TMEM143: variants seen among roughly 807,000 people sequenced by gnomAD.
The protein encoded by TMEM143 is transmembrane protein 143.
Under a neutral mutation model 40.3 loss-of-function variants are expected in TMEM143, and 45 were observed. That is an observed-to-expected ratio of 1.12 (90% CI 0.88 to 1.43). TMEM143 has a LOEUF of 1.43. Ranked by LOEUF, TMEM143 falls within the 40% of genes most tolerant of loss-of-function variation. The pLI is 0.00. For missense variants in TMEM143, 620 were observed against 613.4 expected, an observed-to-expected ratio of 1.01 and a Z score of -0.11; for synonymous variants, 299 against 282.7, an observed-to-expected ratio of 1.06 and a Z score of -0.58.
intron 2 of TMEM143, among the ~76,000 whole-genome samples, chr19:48,362,693 G>C (rs576811074): frequency 6.6e-6 from 1 of 152,230 alleles, no homozygotes; most frequent in Admixed American, 6.5e-5. Context: ...TCACTCTTAG[G>C]GTCAAGCGAG....
At chr19:48,338,079 T>C (rs1055640578) in intron 6 of TMEM143, among the ~76,000 whole-genome samples, 2 of 152,074 alleles carry the variant, frequency 1.3e-5, no homozygotes, top group African/African-American at 4.8e-5. Context: ...CCTCCTACCC[T>C]GGGGTCTATG....
intron 6 of TMEM143, among the ~76,000 whole-genome samples, chr19:48,337,233 G>A (rs1969390980): frequency 6.6e-6 from 1 of 151,872 alleles, no homozygotes; most frequent in African/African-American, 2.4e-5. Context: ...GGAGGGTTCA[G>A]GAAGTCAATA....
At chr19:48,347,475 A>C (rs1366065810) in intron 3 of TMEM143, among the ~76,000 whole-genome samples, 1 of 152,060 alleles carries the variant, frequency 6.6e-6, no homozygotes, top group Non-Finnish European at 1.5e-5. Flanking sequence ...CACTCTGGGA[A>C]GCCAAGGTGG....
chr19:48,346,953 A>G (rs1320558688), intron 3 of TMEM143, among the ~76,000 whole-genome samples: 1 of 152,046 alleles, frequency 6.6e-6, no homozygotes, highest in African/African-American at 2.4e-5. Flanking sequence ...AGCTCCCACA[A>G]TCCACCCCTC....
intron 3 of TMEM143, among the ~76,000 whole-genome samples, chr19:48,357,688 G>A (rs960499165): frequency 6.6e-6 from 1 of 151,808 alleles, no homozygotes; most frequent in African/African-American, 2.4e-5. Flanking sequence ...CTTTCTAAAA[G>A]GCAGCTCAAT....
rs1969233345 is a variant in TMEM143 at position 48,332,426 on chromosome 19, C to G, written c.*793G>C. 2 of 152,186 alleles carry G rather than the reference C, an allele frequency of 1.3e-5. No homozygotes were observed. The highest frequency in any genetic ancestry group is 2.9e-5 in the Non-Finnish European group (2 of 68,058). 9.4% of individuals were successfully genotyped at this position (152,186 alleles called of 1,614,324 possible). ...GAAATTGATAGACCAATAAATATTG[C>G]ACAGGCTGCTGGTGGTGGGGAGATC... On this transcript the variant is annotated 3_prime_UTR_variant, in exon 8 of 8. Coordinates refer to ENST00000293261, the MANE Select transcript of TMEM143 (RefSeq NM_018273.4).
At chr19:48,353,046 T>C (rs772450603) in intron 3 of TMEM143, among the ~76,000 whole-genome samples, 1 of 152,184 alleles carries the variant, frequency 6.6e-6, no homozygotes, top group Non-Finnish European at 1.5e-5. Flanking sequence ...AGTCTGTACA[T>C]GTTCACTACT....
In TMEM143 at chr19:48,360,159, C is replaced by A; in HGVS notation, c.282G>T (p.Pro94=). 1.2e-6 allele frequency: 2 copies of A among 1,614,128 alleles called. No individual in the cohort carries two copies. Among genetic ancestry groups the A allele is most frequent in the Non-Finnish European group, 8.5e-7 (1 of 1,180,000 alleles). The change falls in exon 3 of 8, where the codon CCG becomes CCT. Residue 94 remains proline, a synonymous_variant. Coordinates refer to ENST00000293261, the MANE Select transcript of TMEM143 (RefSeq NM_018273.4). ...RLLIQEFHSS[P]AEKAALEAFS... is the part of the protein sequence containing the mutation. ...ACGCCTCCAAAGCCGCCTTCTCTGC[C>A]GGACTCGAGTGGAATTCCTGTTACC... is the stretch of plus-strand genomic sequence containing the variant.
intron 2 of TMEM143, among the ~76,000 whole-genome samples, chr19:48,361,687 G>A (rs747681651): frequency 2.6e-5 from 4 of 151,924 alleles, no homozygotes; most frequent in Admixed American, 6.6e-5. Context: ...CTGCCACCTC[G>A]CCCGGCTAAT....
chr19:48,363,157 A>G (rs908111591), intron 2 of TMEM143, 134 bp downstream of exon 2: 28 of 1,283,722 alleles, frequency 2.2e-5, no homozygotes, highest in Non-Finnish European at 2.8e-5. Flanking sequence ...CCCACTAGGG[A>G]AACACGAAGG....
In TMEM143 at chr19:48,334,283, G is replaced by A. The variant is rs1003404408; in HGVS notation, c.976-86C>T. On this transcript the variant is annotated intron_variant, in intron 6 of 7. Coordinates refer to ENST00000293261, the MANE Select transcript of TMEM143 (RefSeq NM_018273.4). ...CCCCGGGGTCACCCCCGCTGGCACG[G>A]CCCACGCCGCTTACTCCCCTGAGGA... 114 of 1,407,300 alleles carry A rather than the reference G, an allele frequency of 8.1e-5. 1 individual carries two copies. The highest frequency in any genetic ancestry group is 1.1e-4 in the Non-Finnish European group (111 of 1,052,694). 87.2% of individuals were successfully genotyped at this position (1,407,300 alleles called of 1,614,324 possible). A position where few individuals can be genotyped will look rare whatever the true frequency, so the allele number is the denominator to read the frequency against.
chr19:48,349,052 C>T (rs1426934524), intron 3 of TMEM143, among the ~76,000 whole-genome samples: 5 of 151,960 alleles, frequency 3.3e-5, no homozygotes, highest in Admixed American at 6.6e-5. Context: ...ATTAGCCAGG[C>T]GTGGTGGTGC....
chr19:48,355,159 T>A (rs1197475043), intron 3 of TMEM143, among the ~76,000 whole-genome samples: 2 of 151,936 alleles, frequency 1.3e-5, no homozygotes, highest in Non-Finnish European at 2.9e-5. Flanking sequence ...CTCAGCTTCC[T>A]GAGTAGCTGG....
chr19:48,348,749 G>T (rs1454975046), intron 3 of TMEM143, among the ~76,000 whole-genome samples: 1 of 152,192 alleles, frequency 6.6e-6, no homozygotes, highest in Non-Finnish European at 1.5e-5. Context: ...TGACACATTT[G>T]ACCATGTCAA....
chr19:48,340,984 AG>A (rs1969474225), intron 6 of TMEM143, among the ~76,000 whole-genome samples: 1 of 152,082 alleles, frequency 6.6e-6, no homozygotes, highest in African/African-American at 2.4e-5. Context: ...CTCCCTCCCC[AG>A]CCCCTCTGTT....
At position 48,352,472 on chromosome 19, in the gene TMEM143, T is replaced by TA. The variant is rs34043899; in HGVS notation, c.370-7119dup. Among the ~76,000 whole-genome samples the TA allele has an allele frequency of 2.2e-3, 314 of 143,124 alleles. 2 individuals are homozygous for TA. Among genetic ancestry groups the TA allele is most frequent in the Non-Finnish European group, 3.0e-3 (196 of 65,836 alleles). 93.9% of individuals were successfully genotyped at this position (143,124 alleles called of 152,430 possible). On this transcript the variant is annotated intron_variant, in intron 3 of 7. Transcript: ENST00000293261. ...GTGTGTGCCACCACGCACAGTTAAT[T>TA]AAAAAAAAAAAAATTATGGAGGCCG... is the stretch of plus-strand genomic sequence containing the variant.
intron 2 of TMEM143, among the ~76,000 whole-genome samples, chr19:48,362,137 T>TGC (rs142172432): frequency 1.3e-5 from 2 of 152,134 alleles, no homozygotes; most frequent in African/African-American, 4.8e-5. Flanking sequence ...TTTGTGTGTG[T>TGC]ACTTGTATGC....
chr19:48,360,432 G>A (rs1970013477), intron 2 of TMEM143: 9 of 383,090 alleles, frequency 2.3e-5, no homozygotes, highest in South Asian at 2.1e-4. Flanking sequence ...ACAAAAATTA[G>A]CCGGGCGTGA....
At position 48,345,442 on chromosome 19, in the gene TMEM143, T is replaced by TTTTA. The variant is rs879586059; in HGVS notation, c.370-89_370-88insTAAA. The TTTTA allele has an allele frequency of 3.8e-3, 2,251 of 587,100 alleles. 42 individuals are homozygous for TTTTA. The highest frequency in any genetic ancestry group is 0.028 in the Admixed American group (624 of 22,598). 36.4% of individuals were successfully genotyped at this position (587,100 alleles called of 1,614,324 possible). A position where few individuals can be genotyped will look rare whatever the true frequency, so the allele number is the denominator to read the frequency against. On this transcript the variant is annotated intron_variant, in intron 3 of 7. Transcript: ENST00000293261. Reference sequence around the variant, plus strand: ...TCTAAGGACATCCCTCTCCAGATACTTTCATTTATTTATTTATTTATTTAT... The same window carrying TTTTA: ...TCTAAGGACATCCCTCTCCAGATACTTTTATTCATTTATTTATTTATTTATTTAT...
Sources: allele counts gnomAD v4.1 joint callset (sites outside exome capture counted in the v4.1 genomes callset), GRCh38; gene constraint gnomAD v4.1.1; transcripts MANE v1.5; gene names NCBI Gene and HGNC (gene_info 2026-07-23, HGNC 2026-07-21).